METTL24: variants seen among roughly 807,000 people sequenced by gnomAD.
The protein encoded by METTL24 is methyltransferase like 24.
In METTL24, 29 loss-of-function variants were observed where a neutral mutation model predicts 32.7. The observed-to-expected ratio is 0.89, with a 90% CI of 0.66 to 1.21. The LOEUF (loss-of-function observed/expected upper bound fraction) is 1.21. METTL24 is among the 50% of genes most tolerant of loss of function. METTL24 has a pLI of 0.00. For missense variants in METTL24, 439 were observed against 468.1 expected (o/e 0.94, Z 0.57); for synonymous variants, 163 against 179.5 (o/e 0.91, Z 0.73).
In METTL24 at chr6:110,300,892, G is replaced by A. The variant is rs532848834; in HGVS notation, c.558-1742C>T. Reference sequence around the variant, plus strand: ...ATCACTATTACATGGCATTTACATCGTATTAGGTATTATAAGTAATCTAGA... The same window carrying A: ...ATCACTATTACATGGCATTTACATCATATTAGGTATTATAAGTAATCTAGA... On this transcript the variant is annotated intron_variant, in intron 3 of 4. Transcript: ENST00000338882. Among the ~76,000 whole-genome samples, 20 of 152,252 alleles carry A rather than the reference G, an allele frequency of 1.3e-4. 1 individual carries two copies. The highest frequency in any genetic ancestry group is 3.9e-4 in the East Asian group (2 of 5,184).
chr6:110,282,503 A>C (rs1313160204), intron 4 of METTL24, among the ~76,000 whole-genome samples: 1 of 152,164 alleles, frequency 6.6e-6, no homozygotes, highest in Non-Finnish European at 1.5e-5. Flanking sequence ...TCATGGAAAA[A>C]ATGGAATGTG....
intron 1 of METTL24, among the ~76,000 whole-genome samples, chr6:110,333,470 A>G (rs913103354): frequency 4.6e-5 from 7 of 151,946 alleles, no homozygotes; most frequent in Admixed American, 1.3e-4. Flanking sequence ...TTATTTATTT[A>G]TGTATTTTTT....
chr6:110,284,730 T>C (rs942253693), intron 4 of METTL24, among the ~76,000 whole-genome samples: 1 of 152,190 alleles, frequency 6.6e-6, no homozygotes, highest in African/African-American at 2.4e-5. Flanking sequence ...TCTGGTACTG[T>C]CTAGTTAATA....
intron 4 of METTL24, among the ~76,000 whole-genome samples, chr6:110,278,813 G>T (rs9487335): frequency 6.6e-6 from 1 of 152,092 alleles, no homozygotes; most frequent in African/African-American, 2.4e-5. Flanking sequence ...CTTGAGCCCA[G>T]GAGTTCATGA....
At chr6:110,248,198 GC>G (rs1330540031) in intron 4 of METTL24, among the ~76,000 whole-genome samples, 1 of 152,178 alleles carries the variant, frequency 6.6e-6, no homozygotes, top group Non-Finnish European at 1.5e-5. Flanking sequence ...TGTACAGCCT[GC>G]AGAACCATAA....
intron 4 of METTL24, among the ~76,000 whole-genome samples, chr6:110,277,416 A>G (rs1298809304): frequency 6.6e-6 from 1 of 152,182 alleles, no homozygotes; most frequent in Admixed American, 6.5e-5. Context: ...AGCTGAAACC[A>G]AAAATAGTAG....
intron 1 of METTL24, among the ~76,000 whole-genome samples, chr6:110,355,228 G>A (rs1410440532): frequency 1.3e-5 from 2 of 152,148 alleles, no homozygotes; most frequent in Non-Finnish European, 1.5e-5. Context: ...GCTATGGGAA[G>A]GTTTCTGGGC....
At chr6:110,262,362 T>C (rs1770752049) in intron 4 of METTL24, among the ~76,000 whole-genome samples, 2 of 152,074 alleles carry the variant, frequency 1.3e-5, no homozygotes, top group African/African-American at 2.4e-5. Context: ...AACTTGAAAA[T>C]CTAGAAGAAA....
intron 4 of METTL24, among the ~76,000 whole-genome samples, chr6:110,288,395 C>T (rs1771261293): frequency 1.3e-5 from 2 of 152,168 alleles, no homozygotes; most frequent in African/African-American, 2.4e-5. Flanking sequence ...ATATACATTA[C>T]ATTTGAGAAA....
At chr6:110,337,770 C>T (rs1772267210) in intron 1 of METTL24, among the ~76,000 whole-genome samples, 2 of 152,218 alleles carry the variant, frequency 1.3e-5, no homozygotes, top group Admixed American at 1.3e-4. Flanking sequence ...ATTCTTCAGA[C>T]TCTAGTTTTA....
chr6:110,335,259 T>C (rs879877327), intron 1 of METTL24, among the ~76,000 whole-genome samples: 14 of 152,110 alleles, frequency 9.2e-5, no homozygotes, highest in Non-Finnish European at 2.1e-4. Flanking sequence ...GGAGCAAGAA[T>C]CTCCAAAGTT....
intron 4 of METTL24, among the ~76,000 whole-genome samples, chr6:110,250,863 G>A (rs954642116): frequency 6.6e-6 from 1 of 152,168 alleles, no homozygotes; most frequent in Non-Finnish European, 1.5e-5. Flanking sequence ...GCCCAGTAGG[G>A]GCACTTTGTC....
intron 4 of METTL24, among the ~76,000 whole-genome samples, chr6:110,288,630 T>A (rs1212727310): frequency 1.3e-5 from 2 of 151,254 alleles, no homozygotes; most frequent in African/African-American, 4.9e-5. Context: ...AAAGCAAAAA[T>A]AGGGAGAACT....
chr6:110,311,440 A>ATTTTC (rs143344489), intron 3 of METTL24, among the ~76,000 whole-genome samples: 4,389 of 109,820 alleles, frequency 0.04, 164 homozygotes, highest in East Asian at 0.14. Context: ...TACAAAGTTG[A>ATTTTC]TTTTCTTTTC....
At chr6:110,292,981 T>C (rs1340296630) in intron 4 of METTL24, among the ~76,000 whole-genome samples, 3 of 152,042 alleles carry the variant, frequency 2.0e-5, no homozygotes, top group Non-Finnish European at 4.4e-5. Flanking sequence ...AATAGTACCA[T>C]TTTTATTATT....
intron 3 of METTL24, among the ~76,000 whole-genome samples, chr6:110,315,000 T>A (rs1771792290): frequency 6.6e-6 from 1 of 151,886 alleles, no homozygotes; most frequent in African/African-American, 2.4e-5. Flanking sequence ...GTTTTTTTTT[T>A]TTGCTGCACG....
At position 110,316,012 on chromosome 6, in the gene METTL24, G is replaced by A. The variant is rs541414623; in HGVS notation, c.418-531C>T. 1.2e-4 allele frequency among the ~76,000 whole-genome samples: 19 copies of A among 152,296 alleles called. No individual in the cohort carries two copies. The South Asian group carries it at 2.5e-3, about 20-fold the overall frequency. On this transcript the variant is annotated intron_variant, in intron 2 of 4. Coordinates refer to ENST00000338882, the MANE Select transcript of METTL24 (RefSeq NM_001123364.3). ...CCCTTATTTCAGGCAGATAAGGTGG[G>A]GCCACTAAGGTCCAGAAGGATGGCA...
chr6:110,318,887 C>T (rs891950208), intron 2 of METTL24, among the ~76,000 whole-genome samples: 2 of 152,184 alleles, frequency 1.3e-5, no homozygotes, highest in Admixed American at 1.3e-4. Context: ...TAAGTGAGGG[C>T]AGTAACTTCT....
intron 2 of METTL24, among the ~76,000 whole-genome samples, chr6:110,321,936 G>T (rs905003132): frequency 2.0e-5 from 3 of 152,126 alleles, no homozygotes; most frequent in Non-Finnish European, 4.4e-5. Flanking sequence ...AGGATCCCCC[G>T]TGCAGCACCA....
Sources: gnomAD v4.1 joint callset for allele counts (sites outside exome capture counted in the v4.1 genomes callset) on GRCh38, gnomAD v4.1.1 for gene constraint, MANE v1.5 for transcripts, NCBI Gene and HGNC (gene_info 2026-07-23, HGNC 2026-07-21) for gene names.